Variants in TAF1 observed in about 807,000 individuals in gnomAD.
TAF1 encodes TATA-box binding protein associated factor 1, also known as transcription initiation factor TFIID subunit 1.
TAF1 carries 2 observed loss-of-function variants against 138.5 expected under a neutral mutation model. The ratio of observed to expected loss-of-function variants is 0.01; its 90% CI spans 0.01 to 0.05. The LOEUF is 0.05. TAF1 is among the 10% of genes least tolerant of loss of function. The pLI, the probability that TAF1 is intolerant of heterozygous loss-of-function variation, is 1.00. For missense variants in TAF1, 709 were observed against 1,478.0 expected, an observed-to-expected ratio of 0.48 and a Z score of 8.53; for synonymous variants, 437 against 503.2, an observed-to-expected ratio of 0.87 and a Z score of 1.76.
chrX:71,392,146 G>A (rs896598240), intron 18 of TAF1, among the ~76,000 whole-genome samples: 11 of 111,801 alleles, frequency 9.8e-5, no homozygotes, highest in East Asian at 8.4e-4. Flanking sequence ...CGAGAAAATA[G>A]GTTTCATTCT....
intron 14 of TAF1, 81 bp from the exon 15 acceptor site, chrX:71,387,180 G>A (rs2034281043): frequency 2.9e-6 from 3 of 1,017,182 alleles, no homozygotes; most frequent in Non-Finnish European, 4.1e-6. Flanking sequence ...AGAGCAATAA[G>A]CTTGGTATTT....
intron 13 of TAF1, among the ~76,000 whole-genome samples, chrX:71,493,599 T>C (rs887793541): frequency 1.4e-4 from 16 of 112,778 alleles, no homozygotes; most frequent in African/African-American, 5.2e-4. Flanking sequence ...TGCTGGTTAC[T>C]TGTGGAAGTG....
chrX:71,413,578 T>A (rs772898751), intron 28 of TAF1, among the ~76,000 whole-genome samples: 1 of 111,787 alleles, frequency 8.9e-6, no homozygotes, highest in East Asian at 2.8e-4. Flanking sequence ...TTCCTTGCCT[T>A]TTCATTCTCA....
Position 71,393,014 on chromosome X carries a change from AT to A in TAF1, c.3051+23del. 1 of 1,210,381 alleles carries A rather than the reference AT, an allele frequency of 8.3e-7. No homozygotes were observed. The highest frequency in any genetic ancestry group is 1.1e-6 in the Non-Finnish European group (1 of 894,721). ...GAAGAGGTGAGTGTGGAAGTGGAAAATTTAGAGTATACTAGGGGCTTTGTAT... is the reference window on the plus strand; with the variant it reads ...GAAGAGGTGAGTGTGGAAGTGGAAAATTAGAGTATACTAGGGGCTTTGTAT... On this transcript the variant is annotated intron_variant, in intron 20 of 37. Transcript: ENST00000423759.
intron 32 of TAF1, among the ~76,000 whole-genome samples, chrX:71,452,506 G>A (rs1163155932): frequency 2.7e-5 from 3 of 109,894 alleles, no homozygotes; most frequent in Admixed American, 9.6e-5. Context: ...ATGGGATGGC[G>A]GCCGGGAAGA....
rs1477984258 is a variant in TAF1, at chrX:71,366,419, A to G, written c.45A>G (p.Pro15=). 1.8e-6 allele frequency: 2 copies of G among 1,127,305 alleles called. No homozygotes were observed. Among genetic ancestry groups the G allele is most frequent in the Non-Finnish European group, 2.4e-6 (2 of 847,601 alleles). The allele number at this position is 1,127,305 out of a possible 1,213,427, so 92.9% of individuals were successfully genotyped here. A position where few individuals can be genotyped will look rare whatever the true frequency, so the allele number is the denominator to read the frequency against. ...ACGAAGATTCCGCTGGAGGCGGCCC[A>G]TTTTCTTTAGCGGGTTTCCTTTTCG... The part of the protein sequence containing the change: ...DSDEDSAGGG[P]FSLAGFLFGN... Residue 15 remains proline, a synonymous_variant, in exon 1 of 38, where the codon CCA becomes CCG. Coordinates refer to ENST00000423759, the MANE Select transcript of TAF1 (RefSeq NM_004606.5).
intron 32 of TAF1, among the ~76,000 whole-genome samples, chrX:71,444,321 G>A (rs2037579010): frequency 9.0e-6 from 1 of 111,687 alleles, no homozygotes; most frequent in African/African-American, 3.3e-5. Flanking sequence ...TTTCTTAATG[G>A]GTTTTGAGGG....
At chrX:71,373,114 C>T (rs1374371287) in intron 3 of TAF1, among the ~76,000 whole-genome samples, 1 of 109,079 alleles carries the variant, frequency 9.2e-6, no homozygotes, top group Non-Finnish European at 1.9e-5. Context: ...GATCCACCCA[C>T]CTCAGCCTCC....
chrX:71,401,611 T>C lies in TAF1; in HGVS notation c.3870T>C (p.Pro1290=). The change falls in exon 25 of 38, where the codon CCT becomes CCC. Residue 1290 remains proline, a synonymous_variant. Transcript: ENST00000423759. ...TCTATTATCAAACAAATGCGCCACC[T>C]TCCAACCCTGTTGCCATGACAGAAG... ...CPLYYQTNAP[P]SNPVAMTEEQ... 1.7e-6 allele frequency: 2 copies of C among 1,211,961 alleles called. No homozygotes were observed. Among genetic ancestry groups the C allele is most frequent in the Non-Finnish European group, 2.2e-6 (2 of 895,594 alleles).
chrX:71,508,737 AGTGTGTGTGTGTGT>A (rs112821544), intron 13 of TAF1, among the ~76,000 whole-genome samples: 1 of 100,784 alleles, frequency 9.9e-6, no homozygotes, highest in South Asian at 4.6e-4. Context: ...AGACAGAGTG[AGTGTGTGTGTGTGT>A]GTGTGTGTGT....
At chrX:71,410,926 G>A (rs2035752355) in intron 28 of TAF1, among the ~76,000 whole-genome samples, 1 of 109,102 alleles carries the variant, frequency 9.2e-6, no homozygotes, top group Admixed American at 9.9e-5. Context: ...GGGATTATAG[G>A]CATGCACCAC....
chrX:71,417,807 CAT>C (rs1326893943), intron 28 of TAF1, among the ~76,000 whole-genome samples: 5 of 111,759 alleles, frequency 4.5e-5, no homozygotes, highest in Admixed American at 1.9e-4. Flanking sequence ...ATCTGTATCT[CAT>C]ATGCAGCTCC....
chrX:71,526,344 C>T (rs1025128896), intron 13 of TAF1, among the ~76,000 whole-genome samples: 1 of 111,946 alleles, frequency 8.9e-6, no homozygotes, highest in African/African-American at 3.2e-5. Context: ...CTAAGATCAT[C>T]TAATACTTTA....
intron 14 of TAF1, 94 bp downstream of exon 14, chrX:71,385,143 T>TTG (rs1490572603): frequency 1.7e-6 from 1 of 599,731 alleles, no homozygotes; most frequent in Non-Finnish European, 2.6e-6. Flanking sequence ...TTCTAGTTGA[T>TTG]TGAGATGCTT....
intron 34 of TAF1, among the ~76,000 whole-genome samples, chrX:71,456,606 A>G (rs2038291412): frequency 9.8e-6 from 1 of 101,872 alleles, no homozygotes; most frequent in Non-Finnish European, 2.0e-5. Flanking sequence ...GATAGTAATC[A>G]TACCTTTCAA....
chrX:71,379,335 C>G (rs1235138289), intron 8 of TAF1, among the ~76,000 whole-genome samples: 1 of 108,209 alleles, frequency 9.2e-6, no homozygotes, highest in Non-Finnish European at 1.9e-5. Flanking sequence ...AGGCAGGTCT[C>G]GAACTCCCGA....
chrX:71,464,719 T>C lies in TAF1; in HGVS notation c.*673T>C, dbSNP rs1052877305. ...AGATTCAGTCTCAAAAAAAAAAAAATTTCCAAGCATGGTATCATCTCACTT... is the reference window on the plus strand; with the variant it reads ...AGATTCAGTCTCAAAAAAAAAAAAACTTCCAAGCATGGTATCATCTCACTT... On this transcript the variant is annotated 3_prime_UTR_variant, in exon 38 of 38. Transcript: ENST00000423759. The C allele has an allele frequency of 8.7e-6, 1 of 114,467 alleles. No individual in the cohort carries two copies. The highest frequency in any genetic ancestry group is 3.3e-5 in the African/African-American group (1 of 30,413). The allele number at this position is 114,467 out of a possible 1,213,427, so 9.4% of individuals were successfully genotyped here. A position where few individuals can be genotyped will look rare whatever the true frequency, so the allele number is the denominator to read the frequency against.
intron 23 of TAF1, 135 bp downstream of exon 23, chrX:71,397,601 A>C (rs1195482964): frequency 4.2e-6 from 3 of 713,650 alleles, no homozygotes; most frequent in Non-Finnish European, 6.3e-6. Context: ...TCATGCCTCA[A>C]CTTCCAGAGT....
At chrX:71,510,916 C>T (rs1206433702) in intron 13 of TAF1, among the ~76,000 whole-genome samples, 1 of 110,880 alleles carries the variant, frequency 9.0e-6, no homozygotes, top group Non-Finnish European at 1.9e-5. Context: ...CCAGCCTGAC[C>T]AACATGGAGA....
Sources: gnomAD v4.1 joint callset for allele counts (sites outside exome capture counted in the v4.1 genomes callset) on GRCh38, gnomAD v4.1.1 for gene constraint, MANE v1.5 for transcripts, NCBI Gene and HGNC (gene_info 2026-07-23, HGNC 2026-07-21) for gene names.